The following SORCS2 variants were observed in gnomAD, a reference collection of about 807,000 sequenced individuals.
SORCS2 encodes the protein VPS10 domain-containing receptor SorCS2.
SORCS2 carries 100 observed loss-of-function variants against 141.6 expected under a neutral mutation model. The ratio of observed to expected loss-of-function variants is 0.71; its 90% CI spans 0.60 to 0.83. The LOEUF (loss-of-function observed/expected upper bound fraction) is 0.83, where lower values mean the gene tolerates loss of function less well. Ranked by LOEUF, SORCS2 falls within the 40% of genes least tolerant of loss-of-function variation. SORCS2 has a pLI of 0.00. For missense variants in SORCS2, 1,646 were observed against 1,560.2 expected, an observed-to-expected ratio of 1.05 and a Z score of -0.93; for synonymous variants, 789 against 676.9, an observed-to-expected ratio of 1.17 and a Z score of -2.57.
At chr4:7,516,404 T>C (rs1475982280) in intron 2 of SORCS2, among the ~76,000 whole-genome samples, 1 of 152,120 alleles carries the variant, frequency 6.6e-6, no homozygotes, top group Non-Finnish European at 1.5e-5. Context: ...TCTGGCTTCA[T>C]CCTGAAGGTG....
At chr4:7,683,133 C>T (rs1723636341) in intron 10 of SORCS2, among the ~76,000 whole-genome samples, 1 of 152,198 alleles carries the variant, frequency 6.6e-6, no homozygotes, top group Non-Finnish European at 1.5e-5. Flanking sequence ...AATAAACCAC[C>T]CAAAACAACA....
At chr4:7,241,488 C>T (rs1465490085) in intron 1 of SORCS2, among the ~76,000 whole-genome samples, 1 of 152,180 alleles carries the variant, frequency 6.6e-6, no homozygotes, top group East Asian at 1.9e-4. Context: ...CCCTCCTCTT[C>T]ACTCAGTTTT....
In SORCS2 at chr4:7,682,768, T is replaced by C; in HGVS notation, c.1367T>C (p.Leu456Pro). The change falls in exon 10 of 27, where the codon CTG becomes CCG. Residue 456 changes from leucine (L) to proline (P), a missense_variant. Transcript: ENST00000507866. ...GTCAGAGGGGTGAAAGGAGTCTTCC[T>C]GGCAAACCAAAAAATTGATGGGAAA... ...LEVRGVKGVF[L>P]ANQKIDGKVM... 6.2e-7 allele frequency: 1 copy of C among 1,611,838 alleles called. No individual in the cohort carries two copies. The highest frequency in any genetic ancestry group is 8.5e-7 in the Non-Finnish European group (1 of 1,178,914).
chr4:7,701,967 C>G (rs558277637), intron 12 of SORCS2, among the ~76,000 whole-genome samples: 1 of 152,194 alleles, frequency 6.6e-6, no homozygotes, highest in Admixed American at 6.5e-5. Flanking sequence ...AGGGGTCAGC[C>G]GAGCCTCCTT....
chr4:7,224,018 A>G (rs4689656), intron 1 of SORCS2, among the ~76,000 whole-genome samples: 37,773 of 152,190 alleles, frequency 0.25, 4,831 homozygotes, highest in African/African-American at 0.28. Context: ...TTAAAATAGC[A>G]ATGCAGAGAG....
At chr4:7,708,099 T>C (rs10012200) in intron 14 of SORCS2, among the ~76,000 whole-genome samples, 37,379 of 152,084 alleles carry the variant, frequency 0.25, 4,896 homozygotes, top group African/African-American at 0.34. Context: ...ACATTTCCCT[T>C]CCAGAGACCT....
chr4:7,304,381 C>T (rs1717643277), intron 1 of SORCS2, among the ~76,000 whole-genome samples: 1 of 152,176 alleles, frequency 6.6e-6, no homozygotes, highest in African/African-American at 2.4e-5. Flanking sequence ...CTGCCTCCTT[C>T]CCCCCTTTTA....
chr4:7,225,961 C>T (rs527263690), intron 1 of SORCS2, among the ~76,000 whole-genome samples: 2 of 152,128 alleles, frequency 1.3e-5, no homozygotes, highest in Non-Finnish European at 2.9e-5. Flanking sequence ...AGAAGCCTGT[C>T]TGGGTTCAAG....
At chr4:7,521,846 T>C (rs12504487) in intron 2 of SORCS2, among the ~76,000 whole-genome samples, 42,124 of 152,168 alleles carry the variant, frequency 0.28, 6,298 homozygotes, top group South Asian at 0.38. Context: ...AGCTGCCAAG[T>C]GCAGAACAGG....
chr4:7,683,262 T>G (rs1723650135), intron 10 of SORCS2, among the ~76,000 whole-genome samples: 1 of 83,230 alleles, frequency 1.2e-5, no homozygotes, highest in South Asian at 2.9e-4. Context: ...TCTGCTGACC[T>G]TGGCTGGGCT....
At chr4:7,661,310 A>G (rs2108915702) in intron 5 of SORCS2, among the ~76,000 whole-genome samples, 190 bp from the exon 6 acceptor site, 1 of 120,592 alleles carries the variant, frequency 8.3e-6, no homozygotes, top group Non-Finnish European at 1.7e-5. Context: ...AGCTCACTCA[A>G]GGAAAACGCA....
intron 2 of SORCS2, among the ~76,000 whole-genome samples, chr4:7,501,428 G>C (rs1431152845): frequency 6.6e-6 from 1 of 152,182 alleles, no homozygotes; most frequent in African/African-American, 2.4e-5. Flanking sequence ...GCTCCTTACT[G>C]TAGGACACGG....
At chr4:7,555,678 A>T (rs1263632363) in intron 3 of SORCS2, among the ~76,000 whole-genome samples, 1 of 152,238 alleles carries the variant, frequency 6.6e-6, no homozygotes, top group Non-Finnish European at 1.5e-5. Flanking sequence ...GGTTTGGTAA[A>T]GGAAATGTGC....
chr4:7,525,887 TCAGTCACCTGTCTCCTCCTG>T lies in SORCS2; in HGVS notation c.549-5630_549-5611del, dbSNP rs1733654821. Among the ~76,000 whole-genome samples the T allele has an allele frequency of 5.5e-5, 7 of 127,152 alleles. 1 individual carries two copies. Among genetic ancestry groups the T allele is most frequent in the Admixed American group, 1.5e-4 (2 of 13,170 alleles). The allele number at this position is 127,152 out of a possible 152,430, so 83.4% of individuals were successfully genotyped here. ...CCCTCCTCAGTCACCTGTCCCCTCC[TCAGTCACCTGTCTCCTCCTG>T]CAGTCACCTGTCCCCTCCTCACACC... On this transcript the variant is annotated intron_variant, in intron 2 of 26. Transcript: ENST00000507866.
At chr4:7,405,239 C>A (rs1560257965) in intron 2 of SORCS2, among the ~76,000 whole-genome samples, 1 of 152,088 alleles carries the variant, frequency 6.6e-6, no homozygotes, top group African/African-American at 2.4e-5. Flanking sequence ...CAGTACCATG[C>A]TGTTTTAGTC....
chr4:7,574,364 A>G (rs1429852725), intron 3 of SORCS2, among the ~76,000 whole-genome samples: 1 of 152,212 alleles, frequency 6.6e-6, no homozygotes, highest in Non-Finnish European at 1.5e-5. Flanking sequence ...GTTTACAGCC[A>G]AGTGCATTTT....
At chr4:7,658,262 A>G (rs970363506) in intron 5 of SORCS2, among the ~76,000 whole-genome samples, 1 of 140,330 alleles carries the variant, frequency 7.1e-6, no homozygotes, top group Non-Finnish European at 1.5e-5. Context: ...TGAGTGAGTG[A>G]ATGAGTCTGT....
chr4:7,497,142 C>T (rs956600858), intron 2 of SORCS2, among the ~76,000 whole-genome samples: 2 of 152,240 alleles, frequency 1.3e-5, no homozygotes, highest in African/African-American at 4.8e-5. Flanking sequence ...TGGCCGAAGC[C>T]TCAGGCTTGA....
chr4:7,464,010 G>A (rs1241396711), intron 2 of SORCS2, among the ~76,000 whole-genome samples: 1 of 152,198 alleles, frequency 6.6e-6, no homozygotes, highest in African/African-American at 2.4e-5. Flanking sequence ...TTTTGGAACT[G>A]ACTGTGAACC....
Sources: allele counts gnomAD v4.1 joint callset (sites outside exome capture counted in the v4.1 genomes callset), GRCh38; gene constraint gnomAD v4.1.1; transcripts MANE v1.5; gene names NCBI Gene and HGNC (gene_info 2026-07-23, HGNC 2026-07-21).